The following TSFM variants were observed in gnomAD, a reference collection of about 807,000 sequenced individuals.
TSFM encodes the protein Ts translation elongation factor, mitochondrial.
In TSFM, 29 loss-of-function variants were observed where a neutral mutation model predicts 33.4. That is an observed-to-expected ratio of 0.87 (90% CI 0.65 to 1.18). The LOEUF is 1.18. TSFM is among the 50% of genes most tolerant of loss of function. The probability of loss-of-function intolerance (pLI) is 0.00; values close to 1 mark genes in which losing one functional copy is unlikely to be tolerated. For synonymous variants in TSFM, 178 were observed against 163.5 expected (o/e 1.09, Z -0.68); for missense variants, 394 against 395.6 (o/e 1.00, Z 0.04).
At chr12:57,800,648 C>A (rs1480788592), downstream of TSFM, 2 of 153,158 alleles carry the variant, frequency 1.3e-5, no homozygotes, top group African/African-American at 4.8e-5. Context: ...CGCTCTGTTG[C>A]CCAGGCTGGA....
intron 4 of TSFM, 27 bp from the exon 5 acceptor site, chr12:57,792,959 T>G (rs1056737206): frequency 6.2e-7 from 1 of 1,602,864 alleles, no homozygotes; most frequent in Non-Finnish European, 8.5e-7. Flanking sequence ...CAGAATCAGT[T>G]CATGTTTGTT....
chr12:57,783,211 G>C lies in TSFM; in HGVS notation c.159G>C (p.Leu53=). The part of the protein sequence containing the change: ...SASSKELLMK[L]RRKTGYSFVN... The stretch of plus-strand genomic sequence containing the variant: ...CCAGCAAGGAGCTCCTCATGAAGCT[G>C]CGGCGGAAAACAGGCTACTCCTTTG... The change falls in exon 2 of 6, where the codon CTG becomes CTC. Residue 53 remains leucine (L), a synonymous_variant. Coordinates refer to ENST00000652027, the MANE Select transcript of TSFM (RefSeq NM_005726.6). 1 of 1,613,838 alleles carries C rather than the reference G, an allele frequency of 6.2e-7. No individual in the cohort carries two copies.
downstream of TSFM, chr12:57,797,849 T>C (rs376547664): frequency 6.7e-7 from 1 of 1,492,804 alleles, no homozygotes; most frequent in South Asian, 1.3e-5. Context: ...TGCTCTTTTC[T>C]GTGGCCTTGC....
downstream of TSFM, chr12:57,802,394 G>A (rs759514835): frequency 6.4e-7 from 1 of 1,550,638 alleles, no homozygotes; most frequent in Non-Finnish European, 8.8e-7. Context: ...TCATACCAAG[G>A]ACTAAGTACT....
chr12:57,786,361 A>G, intron 3 of TSFM, 70 bp downstream of exon 3: 1 of 1,506,222 alleles, frequency 6.6e-7, no homozygotes, highest in Non-Finnish European at 8.9e-7. Context: ...GTAGGCCCTA[A>G]AGGGGCCTGT....
Position 57,787,106 on chromosome 12 carries a change from C to A in TSFM, c.427C>A (p.Leu143Ile), listed in dbSNP as rs770881526. The A allele has an allele frequency of 6.2e-7, 1 of 1,609,274 alleles. No homozygotes were observed. Among genetic ancestry groups the A allele is most frequent in the East Asian group, 2.2e-5 (1 of 44,820 alleles). Residue 143 changes from leucine (L) to isoleucine (I), a missense_variant, in exon 4 of 6, where the codon CTT becomes ATT. Coordinates refer to ENST00000652027, the MANE Select transcript of TSFM (RefSeq NM_005726.6). ...TCAACTGTTGGTCCAGCAAGTAGCC[C>A]TTGGAACCATGATGCATTGTCAGAC... ...KFQLLVQQVA[L>I]GTMMHCQTLK...
intron 4 of TSFM, among the ~76,000 whole-genome samples, chr12:57,790,216 CGTG>C: frequency 6.6e-6 from 1 of 151,896 alleles, no homozygotes; most frequent in African/African-American, 2.4e-5. Context: ...ATTACAGGCA[CGTG>C]CCACCATACC....
chr12:57,799,825 C>T, downstream of TSFM: 1 of 1,614,116 alleles, frequency 6.2e-7, no homozygotes, highest in Non-Finnish European at 8.5e-7. Context: ...CATCCTCAGG[C>T]AGCTCCTGAT....
rs577247110 is a variant in TSFM at position 57,784,261 on chromosome 12, A to G, written c.231+978A>G. 1.0e-4 allele frequency: 66 copies of G among 629,474 alleles called. 1 individual carries two copies. The African/African-American group carries it at 1.1e-3, about 10-fold the overall frequency. The allele number at this position is 629,474 out of a possible 1,614,324, so 39.0% of individuals were successfully genotyped here. A position where few individuals can be genotyped will look rare whatever the true frequency, so the allele number is the denominator to read the frequency against. The stretch of plus-strand genomic sequence containing the variant: ...CATCTCCATAGGGAACTTATCATGT[A>G]TGGAGCTTGCAGGACTGGAAGTTGC... On this transcript the variant is annotated intron_variant, in intron 2 of 5. Transcript: ENST00000652027.
downstream of TSFM, among the ~76,000 whole-genome samples, chr12:57,799,419 T>C (rs1205067382): frequency 1.3e-5 from 2 of 152,216 alleles, no homozygotes; most frequent in Non-Finnish European, 2.9e-5. Context: ...TTAAATGTAG[T>C]GGGAAGCTAT....
intron 5 of TSFM, 49 bp downstream of exon 5, chr12:57,793,122 CTTGTT>C (rs747379959): frequency 2.7e-6 from 4 of 1,479,404 alleles, no homozygotes; most frequent in Non-Finnish European, 3.8e-6. Context: ...GACTGGATCT[CTTGTT>C]ATCTTGTTCC....
rs574073629 is a variant in TSFM at position 57,783,379 on chromosome 12, A to G, written c.231+96A>G. On this transcript the variant is annotated intron_variant, in intron 2 of 5. Transcript: ENST00000652027. ...GGAGCATAAAGTTAGACTGCTCTTC[A>G]GTGACCATAATGGCACAGTCCTAAG... 22 of 1,431,648 alleles carry G rather than the reference A, an allele frequency of 1.5e-5. No individual in the cohort carries two copies. The African/African-American group carries it at 1.8e-4, about 12-fold the overall frequency. The allele number at this position is 1,431,648 out of a possible 1,614,324, so 88.7% of individuals were successfully genotyped here. A position where few individuals can be genotyped will look rare whatever the true frequency, so the allele number is the denominator to read the frequency against.
chr12:57,798,688 C>T (rs889495263), downstream of TSFM, among the ~76,000 whole-genome samples: 5 of 151,416 alleles, frequency 3.3e-5, no homozygotes, highest in African/African-American at 1.2e-4. Flanking sequence ...ACAATCTCGG[C>T]TCACTGCAAC....
At chr12:57,783,781 T>A in intron 2 of TSFM, 1 of 590,820 alleles carries the variant, frequency 1.7e-6, no homozygotes, top group Non-Finnish European at 3.0e-6. Flanking sequence ...ATTTTTTATT[T>A]TTTTTTGTAT....
chr12:57,786,097 T>G, intron 2 of TSFM, 66 bp from the exon 3 acceptor site: 2 of 1,495,370 alleles, frequency 1.3e-6, no homozygotes, highest in Non-Finnish European at 1.8e-6. Flanking sequence ...TGAGTATATC[T>G]TAGAACTACA....
downstream of TSFM, among the ~76,000 whole-genome samples, chr12:57,800,823 G>T (rs1955832079): frequency 6.6e-6 from 1 of 152,120 alleles, no homozygotes; most frequent in Non-Finnish European, 1.5e-5. Flanking sequence ...AGTCAGGCTG[G>T]TCTCAAACTC....
At chr12:57,786,853 CA>C (rs1358025819) in intron 3 of TSFM, among the ~76,000 whole-genome samples, 186 bp from the exon 4 acceptor site, 15 of 152,178 alleles carry the variant, frequency 9.9e-5, no homozygotes, top group Admixed American at 2.0e-4. Context: ...CTCACTGGCC[CA>C]ACATAAATCA....
chr12:57,801,941 C>G (rs1426846191), downstream of TSFM, among the ~76,000 whole-genome samples: 1 of 152,194 alleles, frequency 6.6e-6, no homozygotes, highest in Non-Finnish European at 1.5e-5. Flanking sequence ...TTATACTTCA[C>G]ACTGCTTATT....
intron 2 of TSFM, chr12:57,784,128 A>G (rs1001176366): frequency 2.8e-6 from 2 of 702,626 alleles, no homozygotes; most frequent in Non-Finnish European, 5.2e-6. Context: ...AACCGTTACA[A>G]AATGTTACTG....
Sources: allele counts gnomAD v4.1 joint callset (sites outside exome capture counted in the v4.1 genomes callset), GRCh38; gene constraint gnomAD v4.1.1; transcripts MANE v1.5; gene names NCBI Gene and HGNC (gene_info 2026-07-23, HGNC 2026-07-21).